The following FANCD2 variants were observed in gnomAD, a reference collection of about 807,000 sequenced individuals.
The protein encoded by FANCD2 is FA complementation group D2.
In FANCD2, 131 loss-of-function variants were observed where a neutral mutation model predicts 192.3. The ratio of observed to expected loss-of-function variants is 0.68; its 90% CI spans 0.59 to 0.79. The LOEUF (loss-of-function observed/expected upper bound fraction) is 0.79. Among genes scored for constraint, FANCD2 ranks in the 30% least tolerant of loss-of-function variants. The pLI is 0.00. For synonymous variants in FANCD2, 524 were observed against 612.5 expected (o/e 0.86, Z 2.13); for missense variants, 1,508 against 1,701.6 (o/e 0.89, Z 2.00).
chr3:10,040,794 A>G (rs2086845075), intron 9 of FANCD2: 1 of 330,048 alleles, frequency 3.0e-6, no homozygotes, highest in Non-Finnish European at 5.9e-6. Context: ...TCTTGCCCTC[A>G]TCCTTTTGGG....
chr3:10,037,116 G>A (rs2086751839), intron 7 of FANCD2, among the ~76,000 whole-genome samples: 1 of 151,948 alleles, frequency 6.6e-6, no homozygotes, highest in Non-Finnish European at 1.5e-5. Flanking sequence ...AAACTACTGG[G>A]ATGTGGCCCT....
chr3:10,090,299 TTTG>T lies in FANCD2; in HGVS notation c.3697_3699del (p.Val1233del), dbSNP rs1694511154. On this transcript the variant is annotated inframe_deletion, in exon 37 of 44. Transcript: ENST00000675286. ...GCTTTTCCCGTCTTCTAGGCATACT[TTTG>T]TTGTTTTCTTCCGTGTGATGATGGC... 6.2e-7 allele frequency: 1 copy of T among 1,613,050 alleles called. No homozygotes were observed. The highest frequency in any genetic ancestry group is 8.5e-7 in the Non-Finnish European group (1 of 1,179,396).
intron 28 of FANCD2, among the ~76,000 whole-genome samples, chr3:10,073,795 G>T (rs536512996): frequency 2.0e-5 from 3 of 152,148 alleles, no homozygotes; most frequent in African/African-American, 7.2e-5. Flanking sequence ...TTCTGTAAGA[G>T]CCCAAGTTTC....
chr3:10,095,150 A>T, intron 40 of FANCD2, 50 bp from the exon 41 acceptor site: 1 of 1,474,826 alleles, frequency 6.8e-7, no homozygotes, highest in Non-Finnish European at 9.5e-7. Flanking sequence ...CTTGAATCTA[A>T]AATGAAATCA....
At chr3:10,036,642 C>G (rs1559371616) in intron 7 of FANCD2, among the ~76,000 whole-genome samples, 1 of 151,946 alleles carries the variant, frequency 6.6e-6, no homozygotes, top group African/African-American at 2.4e-5. Context: ...CAAGACCAGC[C>G]TGGGCAATGT....
intron 2 of FANCD2, among the ~76,000 whole-genome samples, chr3:10,030,780 A>G (rs2086572231): frequency 6.6e-6 from 1 of 152,072 alleles, no homozygotes; most frequent in Non-Finnish European, 1.5e-5. Flanking sequence ...CGTGTCTGTA[A>G]TCTCAGCTAC....
chr3:10,054,461 AT>A (rs2087336907), intron 18 of FANCD2, among the ~76,000 whole-genome samples: 1 of 22,302 alleles, frequency 4.5e-5, no homozygotes, highest in African/African-American at 1.7e-4. Flanking sequence ...ATATATATAT[AT>A]ATATATATAT....
rs2087137892 is a variant in FANCD2 at position 10,049,615 on chromosome 3, T to C, written c.1545+110T>C. 3 of 1,059,290 alleles carry C rather than the reference T, an allele frequency of 2.8e-6. No homozygotes were observed. In the Admixed American group the frequency reaches 5.3e-5, roughly 19 times the overall value. The allele number at this position is 1,059,290 out of a possible 1,614,324, so 65.6% of individuals were successfully genotyped here. A position where few individuals can be genotyped will look rare whatever the true frequency, so the allele number is the denominator to read the frequency against. The stretch of plus-strand genomic sequence containing the variant: ...TAATATAAATAAAAAGTGACTATTC[T>C]ATCTATGTGTTAATTCATTCAGCAA... On this transcript the variant is annotated intron_variant, in intron 17 of 43. Transcript: ENST00000675286.
intron 18 of FANCD2, among the ~76,000 whole-genome samples, chr3:10,054,057 G>C (rs1432600708): frequency 2.8e-4 from 42 of 151,542 alleles, no homozygotes; most frequent in East Asian, 1.4e-3. Flanking sequence ...CAAAAACATA[G>C]AAAAATTAGC....
At chr3:10,070,988 C>G (rs1233826190) in intron 26 of FANCD2, among the ~76,000 whole-genome samples, 1 of 147,710 alleles carries the variant, frequency 6.8e-6, no homozygotes, top group African/African-American at 2.5e-5. Context: ...GACACAAACA[C>G]TGCGGAAGGC....
chr3:10,052,290 A>G (rs1322439732), intron 17 of FANCD2, 97 bp from the exon 18 acceptor site: 1 of 800,510 alleles, frequency 1.2e-6, no homozygotes, highest in East Asian at 2.6e-5. Flanking sequence ...ATACCTGGCT[A>G]TCTATGTGTG....
At chr3:10,066,446 C>G (rs577714114) in intron 25 of FANCD2, among the ~76,000 whole-genome samples, 1 of 152,326 alleles carries the variant, frequency 6.6e-6, no homozygotes, top group South Asian at 2.1e-4. Flanking sequence ...ATTACCACAT[C>G]TCTATTATGA....
intron 14 of FANCD2, among the ~76,000 whole-genome samples, chr3:10,044,964 C>A (rs2086959957): frequency 6.6e-6 from 1 of 151,886 alleles, no homozygotes; most frequent in Non-Finnish European, 1.5e-5. Flanking sequence ...TCATTGTTAT[C>A]TTTAATGACT....
At chr3:10,085,985 A>G in intron 33 of FANCD2, 63 bp downstream of exon 33, 7 of 1,133,698 alleles carry the variant, frequency 6.2e-6, no homozygotes, top group South Asian at 4.9e-5. Context: ...AGGATTGGCA[A>G]CTTTCTTTAA....
chr3:10,054,021 G>C (rs1179943811), intron 18 of FANCD2, among the ~76,000 whole-genome samples: 3 of 151,924 alleles, frequency 2.0e-5, no homozygotes, highest in Non-Finnish European at 4.4e-5. Flanking sequence ...GACCAGCCTG[G>C]GCACCATGGT....
At position 10,081,164 on chromosome 3, in the gene FANCD2, A is replaced by G. The variant is rs752062671; in HGVS notation, c.3041A>G (p.His1014Arg). The change falls in exon 31 of 44, where the codon CAT becomes CGT. Residue 1014 changes from histidine to arginine, a missense_variant. Around this residue, in one of 5 missense-constraint regions of FANCD2, gnomAD observed 796 missense variants for 879.4 expected, o/e 0.91. Transcript: ENST00000675286. ...CAGAGATCTGCCCAAGAAATTGTTC[A>G]TTGTGTTTTTCAACTGCTGACCCCA... The part of the protein sequence containing the change: ...LQQRSAQEIV[H>R]CVFQLLTPMC... 1.9e-6 allele frequency: 3 copies of G among 1,614,194 alleles called. 1 individual carries two copies. Among genetic ancestry groups the G allele is most frequent in the South Asian group, 2.2e-5 (2 of 91,080 alleles).
At chr3:10,088,995 T>C (rs766779543) in intron 36 of FANCD2, 45 bp downstream of exon 36, 1 of 1,610,430 alleles carries the variant, frequency 6.2e-7, no homozygotes, top group Non-Finnish European at 8.5e-7. Context: ...GATAGAATCA[T>C]CATCAGGCTG....
At chr3:10,092,664 T>C (rs1467743908) in intron 38 of FANCD2, among the ~76,000 whole-genome samples, 1 of 149,776 alleles carries the variant, frequency 6.7e-6, no homozygotes, top group Non-Finnish European at 1.5e-5. Flanking sequence ...AATGTCCTTG[T>C]CTCTCCACCT....
At chr3:10,078,010 A>C in intron 29 of FANCD2, 71 bp from the exon 30 acceptor site, 1 of 1,158,456 alleles carries the variant, frequency 8.6e-7, no homozygotes, top group South Asian at 1.2e-5. Context: ...ATTTAACAAA[A>C]AAGAAAGAAA....
Sources: gnomAD v4.1 joint callset for allele counts (sites outside exome capture counted in the v4.1 genomes callset) on GRCh38, gnomAD v4.1.1 for gene constraint, gnomAD v4.1.1 regional missense constraint, MANE v1.5 for transcripts, NCBI Gene and HGNC (gene_info 2026-07-23, HGNC 2026-07-21) for gene names.